The following KCNA6 variants were observed in gnomAD, a reference collection of about 807,000 sequenced individuals.
KCNA6 encodes human brain potassium channel-2.
A neutral mutation model predicts 29.5 loss-of-function variants in KCNA6; 17 were observed. The ratio of observed to expected loss-of-function variants is 0.58; its 90% CI spans 0.39 to 0.86. The LOEUF is 0.86. Ranked by LOEUF, KCNA6 falls within the 40% of genes least tolerant of loss-of-function variation. The probability of loss-of-function intolerance (pLI) is 0.00; values close to 1 mark genes in which losing one functional copy is unlikely to be tolerated. For synonymous variants in KCNA6, 296 were observed against 304.7 expected (o/e 0.97, Z 0.30); for missense variants, 450 against 703.4 (o/e 0.64, Z 4.07).
Position 4,811,223 on chromosome 12 carries a change from C to T in KCNA6, c.1182C>T (p.Val394=). ...GGGTCATCCTCTTCTCCAGTGCCGTCTACTTCGCAGAGGCTGACGATGACG... is the reference window on the plus strand; with the variant it reads ...GGGTCATCCTCTTCTCCAGTGCCGTTTACTTCGCAGAGGCTGACGATGACG... Residue 394 remains valine, a synonymous_variant, in exon 1 of 1, where the codon GTC becomes GTT. Transcript: ENST00000280684. This position sits in a 1 kb window ranked among gnomAD's most constrained non-coding sequence, Gnocchi z 7.1. 6.2e-7 allele frequency: 1 copy of T among 1,614,266 alleles called. No homozygotes were observed. The highest frequency in any genetic ancestry group is 8.5e-7 in the Non-Finnish European group (1 of 1,180,042).
the KCNA6 span, among the ~76,000 whole-genome samples, chr12:4,831,534 C>T: frequency 5.3e-5 from 8 of 152,162 alleles, no homozygotes; most frequent in Admixed American, 4.6e-4. Context: ...AACCTCCCAG[C>T]CATGGGAGCT....
the KCNA6 span, among the ~76,000 whole-genome samples, chr12:4,846,259 C>T: frequency 6.6e-6 from 1 of 152,108 alleles, no homozygotes; most frequent in African/African-American, 2.4e-5. Context: ...AGACCTGTAA[C>T]ATACTAACAT....
At chr12:4,846,552 T>A in the KCNA6 span, among the ~76,000 whole-genome samples, 1 of 152,180 alleles carries the variant, frequency 6.6e-6, no homozygotes, top group African/African-American at 2.4e-5. Flanking sequence ...TTACTGAACA[T>A]CTTCTTTTTC....
At chr12:4,827,570 C>CTAAGGTG in the KCNA6 span, among the ~76,000 whole-genome samples, 3 of 152,238 alleles carry the variant, frequency 2.0e-5, no homozygotes, top group African/African-American at 7.2e-5. Flanking sequence ...GTTGGTGTTA[C>CTAAGGTG]TCTCTGGTAT....
chr12:4,838,387 G>A, the KCNA6 span, among the ~76,000 whole-genome samples: 1 of 152,298 alleles, frequency 6.6e-6, no homozygotes, highest in East Asian at 1.9e-4. Flanking sequence ...GGAGGTGGTA[G>A]CATGGCACCT....
At chr12:4,830,548 C>A in the KCNA6 span, among the ~76,000 whole-genome samples, 138 of 151,880 alleles carry the variant, frequency 9.1e-4, no homozygotes, top group Admixed American at 2.6e-3. Context: ...GAAACAGAAC[C>A]CGGTAACGGC....
chr12:4,821,370 G>A, the KCNA6 span, among the ~76,000 whole-genome samples: 7 of 152,046 alleles, frequency 4.6e-5, no homozygotes, highest in Non-Finnish European at 8.8e-5. Context: ...GTGTGCACAC[G>A]CAGGTGCCCA....
At chr12:4,837,254 G>T in the KCNA6 span, among the ~76,000 whole-genome samples, 1 of 152,250 alleles carries the variant, frequency 6.6e-6, no homozygotes, top group African/African-American at 2.4e-5. Flanking sequence ...GGGCATAGAA[G>T]CTCCGTGTCT....
chr12:4,835,572 T>C, the KCNA6 span, among the ~76,000 whole-genome samples: 1 of 152,102 alleles, frequency 6.6e-6, no homozygotes, highest in Non-Finnish European at 1.5e-5. Flanking sequence ...TATAGGGCTA[T>C]TTCATCTAAC....
At chr12:4,820,390 G>A in the KCNA6 span, among the ~76,000 whole-genome samples, 1 of 151,974 alleles carries the variant, frequency 6.6e-6, no homozygotes, top group Non-Finnish European at 1.5e-5. Flanking sequence ...GGCAGTGAAT[G>A]CCTCTTTAGG....
chr12:4,821,432 G>GTT, the KCNA6 span, among the ~76,000 whole-genome samples: 1 of 101,486 alleles, frequency 9.9e-6, no homozygotes, highest in African/African-American at 3.5e-5. Flanking sequence ...GTGTGTGTGT[G>GTT]TGTGTGTGTG....
At chr12:4,812,763 G>C (rs998509792) in exon 1 of KCNA6, 9 of 167,066 alleles carry the variant, frequency 5.4e-5, no homozygotes, top group Non-Finnish European at 1.0e-4. Context: ...GAAATATGTG[G>C]TTTAGAATAA....
chr12:4,850,549 G>A, the KCNA6 span, among the ~76,000 whole-genome samples: 1 of 152,142 alleles, frequency 6.6e-6, no homozygotes, highest in Non-Finnish European at 1.5e-5. The surrounding 1 kb of genome is among the most constrained non-coding windows in gnomAD (Gnocchi z 5.4). Context: ...TTCAGTGGGT[G>A]GCAGTGGGAG....
At chr12:4,817,144 G>A (rs1032765540), downstream of KCNA6, among the ~76,000 whole-genome samples, 8 of 152,220 alleles carry the variant, frequency 5.3e-5, no homozygotes, top group Non-Finnish European at 8.8e-5. Flanking sequence ...GGGGAGGAAA[G>A]TGTCCTCCAA....
chr12:4,849,823 A>G, the KCNA6 span, among the ~76,000 whole-genome samples: 28 of 152,364 alleles, frequency 1.8e-4, no homozygotes, highest in African/African-American at 6.3e-4. Flanking sequence ...CCTTTTCCAA[A>G]GCAGTTTCAC....
the KCNA6 span, among the ~76,000 whole-genome samples, chr12:4,819,022 A>G: frequency 6.6e-6 from 1 of 152,228 alleles, no homozygotes; most frequent in South Asian, 2.1e-4. Context: ...GAATATACAT[A>G]TGCACATGTA....
At chr12:4,847,110 G>T in the KCNA6 span, among the ~76,000 whole-genome samples, 1 of 152,152 alleles carries the variant, frequency 6.6e-6, no homozygotes, top group South Asian at 2.1e-4. Context: ...ATTGTCCAAA[G>T]ATTTCCCTCT....
chr12:4,831,573 C>T, the KCNA6 span, among the ~76,000 whole-genome samples: 26 of 152,166 alleles, frequency 1.7e-4, no homozygotes, highest in African/African-American at 5.5e-4. Flanking sequence ...CCTCCAGCTC[C>T]GCTTTCTCCT....
the KCNA6 span, among the ~76,000 whole-genome samples, chr12:4,818,935 A>G: frequency 6.6e-6 from 1 of 152,016 alleles, no homozygotes; most frequent in Non-Finnish European, 1.5e-5. Flanking sequence ...TACATACACA[A>G]AAACACACAC....
Sources: allele counts gnomAD v4.1 joint callset (sites outside exome capture counted in the v4.1 genomes callset), GRCh38; gene constraint gnomAD v4.1.1; non-coding constraint Gnocchi (gnomAD v3.1); transcripts MANE v1.5; gene names NCBI Gene and HGNC (gene_info 2026-07-23, HGNC 2026-07-21).